The following PAPPA2 variants were observed in gnomAD, a reference collection of about 807,000 sequenced individuals.
The protein encoded by PAPPA2 is pappalysin-2.
A neutral mutation model predicts 176.4 loss-of-function variants in PAPPA2; 86 were observed. That is an observed-to-expected ratio of 0.49 (90% CI 0.41 to 0.58). The LOEUF is 0.58. Ranked by LOEUF, PAPPA2 falls within the 20% of genes least tolerant of loss-of-function variation. The pLI is 0.00. For missense variants in PAPPA2, 2,073 were observed against 2,256.9 expected (o/e 0.92, Z 1.65); for synonymous variants, 809 against 852.2 (o/e 0.95, Z 0.88).
At chr1:176,543,155 G>A (rs556414166) in intron 1 of PAPPA2, among the ~76,000 whole-genome samples, 27 of 152,178 alleles carry the variant, frequency 1.8e-4, no homozygotes, top group African/African-American at 4.8e-4. Flanking sequence ...CACGTTCCCC[G>A]TCGTCTTGGG....
chr1:176,724,083 C>G (rs1030896914), intron 12 of PAPPA2, among the ~76,000 whole-genome samples: 6 of 152,192 alleles, frequency 3.9e-5, no homozygotes, highest in Non-Finnish European at 8.8e-5. Flanking sequence ...ACTATGTTGC[C>G]TCCTTCAATT....
intron 3 of PAPPA2, among the ~76,000 whole-genome samples, chr1:176,605,432 C>T: frequency 6.6e-6 from 1 of 152,192 alleles, no homozygotes; most frequent in East Asian, 1.9e-4. Context: ...GGAACTCCAT[C>T]TCTCTCAAAG....
rs1461461681 is a variant in PAPPA2 at position 176,595,572 on chromosome 1, C to T, written c.1968C>T (p.Cys656=). ...DPQVADVRKT[C]FDPDSPKRAY... Reference sequence around the variant, plus strand: ...AGGTGGCTGATGTGCGCAAGACCTGCTTTGACCCTGACTCACCCAAGAGGT... The same window carrying T: ...AGGTGGCTGATGTGCGCAAGACCTGTTTTGACCCTGACTCACCCAAGAGGT... Residue 656 remains cysteine, a synonymous_variant, in exon 3 of 23, where the codon TGC becomes TGT. Coordinates refer to ENST00000367662, the MANE Select transcript of PAPPA2 (RefSeq NM_020318.3). The T allele has an allele frequency of 6.2e-7, 1 of 1,612,604 alleles. No homozygotes were observed. Among genetic ancestry groups the T allele is most frequent in the Non-Finnish European group, 8.5e-7 (1 of 1,179,182 alleles).
chr1:176,685,416 G>T (rs567864777), intron 4 of PAPPA2, among the ~76,000 whole-genome samples: 77 of 152,262 alleles, frequency 5.1e-4, no homozygotes, highest in African/African-American at 1.8e-3. Context: ...CTCTCCAAAG[G>T]CTACCTTGTG....
intron 17 of PAPPA2, among the ~76,000 whole-genome samples, chr1:176,780,151 G>A (rs1664648517): frequency 6.6e-6 from 1 of 152,206 alleles, no homozygotes; most frequent in Admixed American, 6.5e-5. Context: ...GTGACCTGCA[G>A]TGGTTAAGTT....
At chr1:176,736,520 G>A (rs1333999225) in intron 12 of PAPPA2, among the ~76,000 whole-genome samples, 2 of 144,918 alleles carry the variant, frequency 1.4e-5, no homozygotes, top group Non-Finnish European at 3.0e-5. Flanking sequence ...ATGTTAAAAT[G>A]TATATTTATA....
At chr1:176,805,165 T>C (rs1665849710) in intron 21 of PAPPA2, among the ~76,000 whole-genome samples, 1 of 152,056 alleles carries the variant, frequency 6.6e-6, no homozygotes, top group Admixed American at 6.6e-5. Context: ...TCCACAATCC[T>C]AGATTCTACT....
chr1:176,739,866 C>T (rs1398988602), intron 13 of PAPPA2, 105 bp downstream of exon 13: 2 of 1,563,936 alleles, frequency 1.3e-6, no homozygotes, highest in Non-Finnish European at 1.7e-6. Context: ...TTGCCTACAT[C>T]ATACATCTAG....
rs989821090 is a variant in PAPPA2 at position 176,547,808 on chromosome 1, G to C, written c.-916-7599G>C. ...GACATTGATAAAATATCCCCTGGGA[G>C]GTGATATCATTTCTGGTTAAGAACC... On this transcript the variant is annotated intron_variant, in intron 1 of 22. Transcript: ENST00000367662. Among the ~76,000 whole-genome samples, 4 of 152,240 alleles carry C rather than the reference G, an allele frequency of 2.6e-5. No individual in the cohort carries two copies. In the South Asian group the frequency reaches 8.3e-4, roughly 32 times the overall value.
intron 17 of PAPPA2, among the ~76,000 whole-genome samples, chr1:176,774,324 GCCCATAAGACCAA>G (rs1664357329): frequency 6.6e-6 from 1 of 152,044 alleles, no homozygotes; most frequent in Non-Finnish European, 1.5e-5. Flanking sequence ...GGGCCATAAG[GCCCATAAGACCAA>G]CTGCCTATGG....
At chr1:176,620,884 C>T (rs1655555138) in intron 3 of PAPPA2, among the ~76,000 whole-genome samples, 1 of 152,044 alleles carries the variant, frequency 6.6e-6, no homozygotes, top group South Asian at 2.1e-4. Context: ...TCCCCTTTTC[C>T]ATATTTTCCT....
intron 1 of PAPPA2, among the ~76,000 whole-genome samples, chr1:176,508,792 A>G (rs1436117444): frequency 6.6e-6 from 1 of 151,724 alleles, no homozygotes; most frequent in Non-Finnish European, 1.5e-5. Flanking sequence ...TAAAAGTGTA[A>G]CACTGTCCCC....
chr1:176,618,547 GACA>G (rs1043039413), intron 3 of PAPPA2, among the ~76,000 whole-genome samples: 1 of 152,178 alleles, frequency 6.6e-6, no homozygotes, highest in Non-Finnish European at 1.5e-5. Context: ...TGTTGTGAAA[GACA>G]ACATGAGAAA....
At chr1:176,507,620 C>T (rs369166010) in intron 1 of PAPPA2, among the ~76,000 whole-genome samples, 5 of 152,118 alleles carry the variant, frequency 3.3e-5, no homozygotes, top group African/African-American at 4.8e-5. Context: ...AGAATGAAAT[C>T]GTGTCTTTTG....
At chr1:176,829,643 C>T (rs1667009503) in intron 21 of PAPPA2, among the ~76,000 whole-genome samples, 1 of 152,238 alleles carries the variant, frequency 6.6e-6, no homozygotes, top group African/African-American at 2.4e-5. Flanking sequence ...TGTGGGGTCA[C>T]ATGCTTTTCC....
At chr1:176,465,540 T>G (rs1651579481) in intron 1 of PAPPA2, among the ~76,000 whole-genome samples, 1 of 152,188 alleles carries the variant, frequency 6.6e-6, no homozygotes, top group African/African-American at 2.4e-5. Flanking sequence ...CTGCAAAAAC[T>G]CTGAAATTTA....
chr1:176,677,889 G>C (rs576549120), intron 4 of PAPPA2, among the ~76,000 whole-genome samples: 2 of 152,202 alleles, frequency 1.3e-5, no homozygotes, highest in African/African-American at 4.8e-5. Flanking sequence ...CTGCCCTTAA[G>C]GGGTGCACAG....
chr1:176,739,465 A>G (rs1354915931), intron 12 of PAPPA2, among the ~76,000 whole-genome samples, 161 bp from the exon 13 acceptor site: 1 of 152,182 alleles, frequency 6.6e-6, no homozygotes, highest in African/African-American at 2.4e-5. Context: ...ACAACCTTGA[A>G]TACCTTTCTG....
chr1:176,793,512 T>G, intron 19 of PAPPA2, 48 bp from the exon 20 acceptor site: 802 of 1,436,784 alleles, frequency 5.6e-4, no homozygotes, highest in Non-Finnish European at 7.0e-4. Context: ...AGAAAAAGAA[T>G]GAGATCTGGG....
Sources: gnomAD v4.1 joint callset for allele counts (sites outside exome capture counted in the v4.1 genomes callset) on GRCh38, gnomAD v4.1.1 for gene constraint, MANE v1.5 for transcripts, NCBI Gene and HGNC (gene_info 2026-07-23, HGNC 2026-07-21) for gene names.